PP2D1: variants seen among roughly 807,000 people sequenced by gnomAD.
PP2D1 encodes protein phosphatase 2C like domain containing 1.
A neutral mutation model predicts 30.2 loss-of-function variants in PP2D1; 25 were observed. The ratio of observed to expected loss-of-function variants is 0.83; its 90% CI spans 0.60 to 1.16. PP2D1 has a LOEUF of 1.16. Among genes scored for constraint, PP2D1 ranks in the 50% most tolerant of loss-of-function variants. The pLI, the probability that PP2D1 is intolerant of heterozygous loss-of-function variation, is 0.00. For synonymous variants in PP2D1, 260 were observed against 258.9 expected (o/e 1.00, Z -0.04); for missense variants, 760 against 742.4 (o/e 1.02, Z -0.28).
chr3:20,010,674 G>A (rs2929410), intron 1 of PP2D1, among the ~76,000 whole-genome samples: 129,515 of 151,922 alleles, frequency 0.85, 55,972 homozygotes, highest in Non-Finnish European at 0.89. Context: ...ATGGTGGTGC[G>A]TGACTGTAAT....
At chr3:20,007,208 T>C (rs1436738076) in intron 1 of PP2D1, among the ~76,000 whole-genome samples, 31 of 152,194 alleles carry the variant, frequency 2.0e-4, no homozygotes, top group Admixed American at 2.0e-3. Context: ...TGATAGAATA[T>C]ACATAATCAA....
chr3:20,011,155 C>A (rs889296076), intron 1 of PP2D1, among the ~76,000 whole-genome samples: 1 of 152,046 alleles, frequency 6.6e-6, no homozygotes, highest in Non-Finnish European at 1.5e-5. Flanking sequence ...GATCAGTTAG[C>A]CGGCAGAAGG....
downstream of PP2D1, among the ~76,000 whole-genome samples, chr3:19,981,274 T>TA (rs1696921568): frequency 6.6e-6 from 1 of 152,190 alleles, no homozygotes; most frequent in Non-Finnish European, 1.5e-5. Context: ...ATTCTTAACT[T>TA]ACTACGGGAT....
intron 1 of PP2D1, among the ~76,000 whole-genome samples, chr3:20,009,977 A>C (rs1697365833): frequency 6.6e-6 from 1 of 152,148 alleles, no homozygotes; most frequent in Non-Finnish European, 1.5e-5. Context: ...TTTTTAATGG[A>C]AAATTTAAAA....
intron 1 of PP2D1, among the ~76,000 whole-genome samples, chr3:20,010,141 A>G (rs1697367710): frequency 6.6e-6 from 1 of 152,134 alleles, no homozygotes; most frequent in Admixed American, 6.6e-5. Flanking sequence ...TCTGTCACCC[A>G]GGCTGGAGTG....
chr3:20,004,821 A>G (rs925931428), intron 1 of PP2D1, among the ~76,000 whole-genome samples: 5 of 152,212 alleles, frequency 3.3e-5, no homozygotes, highest in African/African-American at 1.2e-4. Context: ...TAAAAATCAA[A>G]GTTAGCTGGG....
rs1214854045 is a variant in PP2D1, at chr3:20,001,191, CTCCA to C, written c.925_928del (p.Trp309ValfsTer44). On this transcript the variant is annotated frameshift_variant, in exon 2 of 3. Transcript: ENST00000389050. LOFTEE classifies it high-confidence loss of function. ...TATACAAGTAACTGCAGAGCAGCCACTCCATTGAACCCTGGACACTTCTTTTCTT... is the reference window on the plus strand; with the variant it reads ...TATACAAGTAACTGCAGAGCAGCCACTTGAACCCTGGACACTTCTTTTCTT... The C allele has an allele frequency of 6.6e-7, 1 of 1,515,192 alleles. No homozygotes were observed. Among genetic ancestry groups the C allele is most frequent in the African/African-American group, 1.4e-5 (1 of 71,882 alleles). The allele number at this position is 1,515,192 out of a possible 1,614,324, so 93.9% of individuals were successfully genotyped here. A position where few individuals can be genotyped will look rare whatever the true frequency, so the allele number is the denominator to read the frequency against.
intron 2 of PP2D1, among the ~76,000 whole-genome samples, chr3:19,991,478 A>G (rs10510497): frequency 0.19 from 28,987 of 152,170 alleles, 3,063 homozygotes; most frequent in Non-Finnish European, 0.24. Context: ...TGGTGGTCAG[A>G]AAAAGACATA....
chr3:19,985,309 CA>C, downstream of PP2D1: 1 of 1,069,534 alleles, frequency 9.3e-7, no homozygotes, highest in Non-Finnish European at 1.3e-6. Context: ...ATTGATGAAT[CA>C]TCCTAATAGC....
chr3:19,981,662 A>G (rs1696930499), downstream of PP2D1, among the ~76,000 whole-genome samples: 1 of 152,052 alleles, frequency 6.6e-6, no homozygotes, highest in African/African-American at 2.4e-5. Context: ...GGATGGATAT[A>G]TCAGGATGTA....
At chr3:19,990,462 C>A (rs1300662002) in intron 2 of PP2D1, among the ~76,000 whole-genome samples, 1 of 152,028 alleles carries the variant, frequency 6.6e-6, no homozygotes, top group Admixed American at 6.6e-5. Context: ...ACATTGTTTA[C>A]CTGTATGAAT....
At chr3:19,995,601 T>C (rs1260725244) in intron 2 of PP2D1, among the ~76,000 whole-genome samples, 1 of 152,144 alleles carries the variant, frequency 6.6e-6, no homozygotes, top group East Asian at 1.9e-4. Context: ...ACACCAGGCA[T>C]GCCAATAAGA....
At chr3:19,984,337 C>T, downstream of PP2D1, 1 of 399,946 alleles carries the variant, frequency 2.5e-6, no homozygotes, top group Non-Finnish European at 4.9e-6. Flanking sequence ...ATAAATTAAC[C>T]ACAAGAAAAT....
chr3:19,980,677 A>G (rs943814494), downstream of PP2D1, among the ~76,000 whole-genome samples: 1 of 152,200 alleles, frequency 6.6e-6, no homozygotes, highest in Non-Finnish European at 1.5e-5. Flanking sequence ...GTTATTATAT[A>G]CAATATATAG....
At chr3:19,990,856 TG>T (rs1410212621) in intron 2 of PP2D1, among the ~76,000 whole-genome samples, 1 of 151,690 alleles carries the variant, frequency 6.6e-6, no homozygotes, top group East Asian at 1.9e-4. Flanking sequence ...TAAATATCAC[TG>T]TTATGTCCAC....
At chr3:20,003,867 C>T (rs940702432) in intron 1 of PP2D1, among the ~76,000 whole-genome samples, 1 of 151,982 alleles carries the variant, frequency 6.6e-6, no homozygotes, top group Non-Finnish European at 1.5e-5. Flanking sequence ...TACAGCTGTA[C>T]AATGTTTTTG....
chr3:19,989,322 A>C (rs1358112588), intron 2 of PP2D1, among the ~76,000 whole-genome samples: 1 of 152,190 alleles, frequency 6.6e-6, no homozygotes, highest in Non-Finnish European at 1.5e-5. Context: ...ACAGAGTGAG[A>C]CTCAAAAAAA....
chr3:19,983,905 G>C (rs1193214157), downstream of PP2D1: 9 of 899,244 alleles, frequency 1.0e-5, no homozygotes, highest in Non-Finnish European at 1.6e-5. Context: ...AACCAGCCCA[G>C]TATGACTTCC....
At chr3:19,985,269 TTAC>T, downstream of PP2D1, 1 of 759,548 alleles carries the variant, frequency 1.3e-6, no homozygotes, top group East Asian at 2.7e-5. Context: ...TATATTTTCT[TTAC>T]TATGTTCATA....
Sources: allele counts gnomAD v4.1 joint callset (sites outside exome capture counted in the v4.1 genomes callset), GRCh38; gene constraint gnomAD v4.1.1; transcripts MANE v1.5; gene names NCBI Gene and HGNC (gene_info 2026-07-23, HGNC 2026-07-21).